The following SH3KBP1 variants were observed in gnomAD, a reference collection of about 807,000 sequenced individuals.
SH3KBP1 encodes SH3 domain containing kinase binding protein 1, also known as SH3 domain-containing kinase-binding protein 1.
A neutral mutation model predicts 50.1 loss-of-function variants in SH3KBP1; 8 were observed. The ratio of observed to expected loss-of-function variants is 0.16; its 90% confidence interval spans 0.09 to 0.29. The LOEUF (loss-of-function observed/expected upper bound fraction) is 0.29, where lower values mean the gene tolerates loss of function less well. Among genes scored for constraint, SH3KBP1 ranks in the 10% least tolerant of loss-of-function variants. SH3KBP1 has a pLI of 1.00. For missense variants in SH3KBP1, 377 were observed against 535.2 expected, an observed-to-expected ratio of 0.70 and a Z score of 2.92; for synonymous variants, 227 against 218.6, an observed-to-expected ratio of 1.04 and a Z score of -0.34.
At chrX:19,617,173 T>C (rs1377527896) in intron 8 of SH3KBP1, among the ~76,000 whole-genome samples, 2 of 112,453 alleles carry the variant, frequency 1.8e-5, no homozygotes, top group Admixed American at 9.4e-5. Flanking sequence ...AAAGTGCCTC[T>C]AGGCAAAAAG....
chrX:19,605,170 C>T (rs1036715792), intron 9 of SH3KBP1, among the ~76,000 whole-genome samples: 6 of 110,561 alleles, frequency 5.4e-5, no homozygotes, highest in African/African-American at 1.6e-4. Context: ...TTACTGCCCC[C>T]CCCCAAGACA....
chrX:19,785,387 G>A (rs1270174998), intron 2 of SH3KBP1, among the ~76,000 whole-genome samples: 1 of 109,502 alleles, frequency 9.1e-6, no homozygotes, highest in African/African-American at 3.3e-5. Flanking sequence ...AATTAGCTAG[G>A]CGTGGTGGTA....
chrX:19,872,673 G>A (rs2069086858), intron 1 of SH3KBP1, among the ~76,000 whole-genome samples: 1 of 110,112 alleles, frequency 9.1e-6, no homozygotes, highest in Non-Finnish European at 1.9e-5. Flanking sequence ...CTACTCGGGA[G>A]GCTGAGGCAG....
At chrX:19,739,569 C>CTT (rs1213228670) in intron 3 of SH3KBP1, among the ~76,000 whole-genome samples, 1 of 101,162 alleles carries the variant, frequency 9.9e-6, no homozygotes, top group Non-Finnish European at 2.0e-5. Context: ...TATGGGAGTC[C>CTT]TTTTTTTTTT....
At chrX:19,584,813 C>T (rs761129574) in intron 12 of SH3KBP1, among the ~76,000 whole-genome samples, 1 of 112,131 alleles carries the variant, frequency 8.9e-6, no homozygotes, top group African/African-American at 3.2e-5. Flanking sequence ...AGCGTGAGCC[C>T]GGACGCTGCA....
intron 2 of SH3KBP1, among the ~76,000 whole-genome samples, chrX:19,788,960 C>A (rs955252174): frequency 9.0e-6 from 1 of 111,575 alleles, no homozygotes; most frequent in Admixed American, 9.4e-5. Flanking sequence ...CAGGTCTCTA[C>A]TGAAAGTACA....
intron 1 of SH3KBP1, among the ~76,000 whole-genome samples, chrX:19,852,636 G>GAAAAA (rs760707711): frequency 1.9e-5 from 1 of 51,947 alleles, no homozygotes; most frequent in African/African-American, 6.7e-5. Context: ...TAGCTGCACA[G>GAAAAA]AAAAAAAAAA....
intron 3 of SH3KBP1, among the ~76,000 whole-genome samples, chrX:19,735,665 G>A (rs897257962): frequency 3.6e-4 from 34 of 93,951 alleles, no homozygotes; most frequent in Non-Finnish European, 1.4e-4. Flanking sequence ...ATTGTGATTG[G>A]AGAATATACT....
At chrX:19,552,303 C>T (rs1011339964) in intron 13 of SH3KBP1, among the ~76,000 whole-genome samples, 1 of 111,049 alleles carries the variant, frequency 9.0e-6, no homozygotes, top group African/African-American at 3.3e-5. Context: ...GCAGCTTATC[C>T]GTGCAGATCT....
chrX:19,823,023 G>A (rs146068123), intron 2 of SH3KBP1, among the ~76,000 whole-genome samples: 1,288 of 111,743 alleles, frequency 0.012, 14 homozygotes, highest in Non-Finnish European at 0.019. Flanking sequence ...GTTTGCCCAG[G>A]ACTTCCAATG....
At chrX:19,549,373 G>A (rs2065176760) in intron 14 of SH3KBP1, among the ~76,000 whole-genome samples, 1 of 111,651 alleles carries the variant, frequency 9.0e-6, no homozygotes, top group East Asian at 2.8e-4. Context: ...TACAATAAAC[G>A]TGTAATAGGT....
At chrX:19,812,308 G>A (rs1466023971) in intron 2 of SH3KBP1, among the ~76,000 whole-genome samples, 2 of 111,099 alleles carry the variant, frequency 1.8e-5, no homozygotes, top group African/African-American at 6.6e-5. Context: ...GCTAGTACAT[G>A]TTGTGACTAC....
Position 19,548,033 on chromosome X carries a change from G to A in SH3KBP1, c.1494+1941C>T, listed in dbSNP as rs182494438. Among the ~76,000 whole-genome samples the A allele has an allele frequency of 4.4e-3, 494 of 112,937 alleles. 7 individuals are homozygous for A. The highest frequency in any genetic ancestry group is 0.015 in the African/African-American group (469 of 31,143). On this transcript the variant is annotated intron_variant, in intron 14 of 17. Transcript: ENST00000397821. ...ATGCCAAACTTCAAGTCATTGTGCC[G>A]TAAGCTTCCTGCAGGCAGTGACCAT... is the stretch of plus-strand genomic sequence containing the variant.
At chrX:19,779,099 C>T (rs1372899029) in intron 2 of SH3KBP1, among the ~76,000 whole-genome samples, 1 of 108,431 alleles carries the variant, frequency 9.2e-6, no homozygotes, top group African/African-American at 3.4e-5. Flanking sequence ...AGTTTGAGAC[C>T]AGACTGGACA....
intron 2 of SH3KBP1, among the ~76,000 whole-genome samples, chrX:19,831,557 C>T (rs925473560): frequency 9.2e-5 from 10 of 108,541 alleles, no homozygotes; most frequent in African/African-American, 1.7e-4. Context: ...TTTGGGAGGC[C>T]GAGGCAGACG....
intron 2 of SH3KBP1, among the ~76,000 whole-genome samples, chrX:19,757,877 G>A (rs1269546557): frequency 9.0e-6 from 1 of 111,568 alleles, no homozygotes; most frequent in African/African-American, 3.3e-5. Context: ...TGATTTTAAA[G>A]ATCCAACAGT....
chrX:19,813,836 A>G (rs146313836), intron 2 of SH3KBP1, among the ~76,000 whole-genome samples: 82 of 112,039 alleles, frequency 7.3e-4, no homozygotes, highest in African/African-American at 2.6e-3. Context: ...ACACCATCTA[A>G]GTATTTCTCC....
At chrX:19,619,169 G>C (rs866701784) in intron 8 of SH3KBP1, among the ~76,000 whole-genome samples, 1 of 111,221 alleles carries the variant, frequency 9.0e-6, no homozygotes, top group Non-Finnish European at 1.9e-5. Flanking sequence ...CCAGCTACTC[G>C]GGAGGCCGAG....
At chrX:19,861,072 A>G (rs1337278415) in intron 1 of SH3KBP1, among the ~76,000 whole-genome samples, 1 of 111,814 alleles carries the variant, frequency 8.9e-6, no homozygotes, top group East Asian at 2.8e-4. Flanking sequence ...GTTCAAAATA[A>G]AAAGTTAAAA....
Sources: gnomAD v4.1 joint callset for allele counts (sites outside exome capture counted in the v4.1 genomes callset) on GRCh38, gnomAD v4.1.1 for gene constraint, MANE v1.5 for transcripts, NCBI Gene and HGNC (gene_info 2026-07-23, HGNC 2026-07-21) for gene names.